Variants in TMEM255B observed in about 807,000 individuals in gnomAD.
The protein encoded by TMEM255B is transmembrane protein 255B, also known as family with sequence similarity 70, member B.
A neutral mutation model predicts 34.5 loss-of-function variants in TMEM255B; 35 were observed. The ratio of observed to expected loss-of-function variants is 1.01; its 90% CI spans 0.77 to 1.34. The LOEUF (loss-of-function observed/expected upper bound fraction) is 1.34, where lower values mean the gene tolerates loss of function less well. TMEM255B is among the 40% of genes most tolerant of loss of function. TMEM255B has a pLI of 0.00. For synonymous variants in TMEM255B, 206 were observed against 201.2 expected, an observed-to-expected ratio of 1.02 and a Z score of -0.20; for missense variants, 432 against 433.2, an observed-to-expected ratio of 1.00 and a Z score of 0.02.
chr13:113,790,827 T>C (rs9635151), intron 3 of TMEM255B, among the ~76,000 whole-genome samples: 7,867 of 68,794 alleles, frequency 0.11, 852 homozygotes, highest in East Asian at 0.33. Flanking sequence ...GACACATGGA[T>C]ATCCTAGCTC....
intron 4 of TMEM255B, among the ~76,000 whole-genome samples, chr13:113,796,203 A>G (rs2050930569): frequency 6.8e-6 from 1 of 146,002 alleles, no homozygotes; most frequent in South Asian, 2.2e-4. Context: ...CACAGCACAC[A>G]ACACACAGAG....
At chr13:113,767,242 A>G (rs932152060) in intron 2 of TMEM255B, among the ~76,000 whole-genome samples, 5 of 152,060 alleles carry the variant, frequency 3.3e-5, no homozygotes, top group African/African-American at 1.2e-4. Flanking sequence ...CTTTGTTTAT[A>G]TCTTAGGGTG....
Position 113,816,512 on chromosome 13 carries a change from A to C in TMEM255B, c.*4609A>C, listed in dbSNP as rs113194252. ...TGTGAAGATGGCCTTATGGGGCTGC[A>C]CTGGTGACTTGGACAGTGCTGGCCA... On this transcript the variant is annotated 3_prime_UTR_variant, in exon 9 of 9. Transcript: ENST00000375353. The C allele has an allele frequency of 0.084, 12,923 of 153,410 alleles. 741 individuals carry two copies. Among genetic ancestry groups the C allele is most frequent in the African/African-American group, 0.16 (6,522 of 41,490 alleles). 9.5% of individuals were successfully genotyped at this position (153,410 alleles called of 1,614,324 possible).
At chr13:113,808,694 G>A (rs1472609445) in intron 8 of TMEM255B, among the ~76,000 whole-genome samples, 1 of 144,194 alleles carries the variant, frequency 6.9e-6, no homozygotes, top group Admixed American at 7.0e-5. Context: ...GGTTTACTTC[G>A]TGGCTCCTAG....
At chr13:113,800,956 G>A (rs2051045769) in intron 6 of TMEM255B, 44 bp downstream of exon 6, 2 of 1,183,316 alleles carry the variant, frequency 1.7e-6, no homozygotes, top group Non-Finnish European at 2.3e-6. Flanking sequence ...TGCGGGAGGT[G>A]AGGGGCGCTG....
Position 113,814,318 on chromosome 13 carries a change from A to C in TMEM255B, c.*2415A>C, listed in dbSNP as rs1164789418. On this transcript the variant is annotated 3_prime_UTR_variant, in exon 9 of 9. Transcript: ENST00000375353. The stretch of plus-strand genomic sequence containing the variant: ...TCCCCTCATGTCAGCCCTCGGTCGC[A>C]GGGTGCGGTGTGGGGGCATCAGAGT... The C allele has an allele frequency of 1.3e-5, 2 of 152,316 alleles. No individual in the cohort carries two copies. Among genetic ancestry groups the C allele is most frequent in the African/African-American group, 2.4e-5 (1 of 41,474 alleles). 9.4% of individuals were successfully genotyped at this position (152,316 alleles called of 1,614,324 possible).
At chr13:113,768,659 T>G (rs2050430203) in intron 2 of TMEM255B, among the ~76,000 whole-genome samples, 1 of 152,190 alleles carries the variant, frequency 6.6e-6, no homozygotes, top group Non-Finnish European at 1.5e-5. Flanking sequence ...GGGTCACTGG[T>G]GGCCCTTGTG....
At chr13:113,774,577 C>G (rs1948117322) in intron 3 of TMEM255B, among the ~76,000 whole-genome samples, 1 of 103,452 alleles carries the variant, frequency 9.7e-6, no homozygotes, top group African/African-American at 4.7e-5. Flanking sequence ...ACACATGACA[C>G]ACACACCACA....
At chr13:113,793,606 G>A (rs1282981764) in intron 3 of TMEM255B, among the ~76,000 whole-genome samples, 2 of 152,222 alleles carry the variant, frequency 1.3e-5, no homozygotes, top group South Asian at 2.1e-4. Context: ...CAGCCCTACC[G>A]CCTCATCACT....
chr13:113,781,925 C>A (rs542366697), intron 3 of TMEM255B, among the ~76,000 whole-genome samples: 3 of 152,116 alleles, frequency 2.0e-5, no homozygotes, highest in African/African-American at 4.8e-5. Context: ...TATAAATATT[C>A]TTTTCTTTAA....
chr13:113,768,248 C>T (rs1249517940), intron 2 of TMEM255B: 2 of 469,158 alleles, frequency 4.3e-6, no homozygotes, highest in Admixed American at 2.4e-5. Context: ...ATGTTGGCTG[C>T]TCTGAGCCAG....
At chr13:113,799,987 G>A (rs1252658114) in intron 5 of TMEM255B, 1 of 1,255,368 alleles carries the variant, frequency 8.0e-7, no homozygotes, top group East Asian at 5.7e-5. Flanking sequence ...TGTCAGAGGA[G>A]GAGGAGCTGG....
chr13:113,777,701 T>G (rs1479900215), intron 3 of TMEM255B, among the ~76,000 whole-genome samples: 8 of 152,144 alleles, frequency 5.3e-5, no homozygotes, highest in African/African-American at 1.9e-4. Context: ...CCGCACCAGG[T>G]CCCTTGTCCT....
intron 3 of TMEM255B, among the ~76,000 whole-genome samples, chr13:113,794,250 C>T (rs1484260194): frequency 6.6e-6 from 1 of 152,142 alleles, no homozygotes; most frequent in South Asian, 2.1e-4. Context: ...TCTGCTCGGT[C>T]GGCTCTGCTC....
At chr13:113,795,441 C>A (rs190544469) in intron 4 of TMEM255B, among the ~76,000 whole-genome samples, 1 of 151,800 alleles carries the variant, frequency 6.6e-6, no homozygotes, top group African/African-American at 2.4e-5. Flanking sequence ...ACTACACACA[C>A]CACACAACAC....
At chr13:113,783,943 C>T (rs190004279) in intron 3 of TMEM255B, among the ~76,000 whole-genome samples, 23 of 152,100 alleles carry the variant, frequency 1.5e-4, no homozygotes, top group African/African-American at 4.6e-4. Context: ...CATAGGCAGG[C>T]CTGAATATAG....
chr13:113,784,537 G>GGAAGAA (rs375842735), intron 3 of TMEM255B, among the ~76,000 whole-genome samples: 1 of 151,580 alleles, frequency 6.6e-6, no homozygotes, highest in Non-Finnish European at 1.5e-5. Flanking sequence ...GATATGAAGA[G>GGAAGAA]GAAGAAGAAG....
chr13:113,786,586 C>T (rs924824269), intron 3 of TMEM255B, among the ~76,000 whole-genome samples: 2 of 152,136 alleles, frequency 1.3e-5, no homozygotes, highest in African/African-American at 4.8e-5. Flanking sequence ...TCATCATCAC[C>T]ATCATCACTG....
In TMEM255B at chr13:113,801,006, T is replaced by C. The variant is rs1177839553; in HGVS notation, c.509+94T>C. On this transcript the variant is annotated intron_variant, in intron 6 of 8. Coordinates refer to ENST00000375353, the MANE Select transcript of TMEM255B (RefSeq NM_182614.4). ...TACACCTGCGGGAGGTGAGGGGCGC[T>C]GGGGACCCCTATATCTACACCTGAG... 24 of 1,205,580 alleles carry C rather than the reference T, an allele frequency of 2.0e-5. No homozygotes were observed. In the African/African-American group the frequency reaches 3.2e-4, roughly 16 times the overall value. The allele number at this position is 1,205,580 out of a possible 1,614,324, so 74.7% of individuals were successfully genotyped here.
Sources: allele counts gnomAD v4.1 joint callset (sites outside exome capture counted in the v4.1 genomes callset), GRCh38; gene constraint gnomAD v4.1.1; transcripts MANE v1.5; gene names NCBI Gene and HGNC (gene_info 2026-07-23, HGNC 2026-07-21).